Variants in SMYD3 observed in about 807,000 individuals in gnomAD.
SMYD3 encodes the protein histone-lysine N-methyltransferase SMYD3.
A neutral mutation model predicts 57.7 loss-of-function variants in SMYD3; 36 were observed. That is an observed-to-expected ratio of 0.62 (90% CI 0.48 to 0.82). The LOEUF (loss-of-function observed/expected upper bound fraction) is 0.82. Ranked by LOEUF, SMYD3 falls within the 40% of genes least tolerant of loss-of-function variation. SMYD3 has a pLI of 0.00. For missense variants in SMYD3, 515 were observed against 538.8 expected (o/e 0.96, Z 0.44); for synonymous variants, 211 against 195.0 (o/e 1.08, Z -0.68).
At chr1:246,440,888 A>G (rs1431557435) in intron 1 of SMYD3, among the ~76,000 whole-genome samples, 2 of 152,124 alleles carry the variant, frequency 1.3e-5, no homozygotes, top group African/African-American at 4.8e-5. Flanking sequence ...TTTTCCTAAG[A>G]GGAAGAAATC....
intron 5 of SMYD3, among the ~76,000 whole-genome samples, chr1:246,071,803 G>A (rs112082384): frequency 1.9e-4 from 28 of 145,040 alleles, no homozygotes; most frequent in East Asian, 1.9e-3. Flanking sequence ...GGAGGGATTC[G>A]TGTGCTTTCC....
chr1:245,889,357 C>T (rs1221035289), intron 8 of SMYD3, among the ~76,000 whole-genome samples: 1 of 152,172 alleles, frequency 6.6e-6, no homozygotes, highest in Non-Finnish European at 1.5e-5. Flanking sequence ...CCTTCTAGGA[C>T]ATCCTTCCCA....
intron 5 of SMYD3, among the ~76,000 whole-genome samples, chr1:246,104,332 T>C (rs78941094): frequency 0.037 from 5,687 of 152,340 alleles, 228 homozygotes; most frequent in East Asian, 0.16. Flanking sequence ...AAACATTTAC[T>C]GTGAAACATC....
intron 5 of SMYD3, among the ~76,000 whole-genome samples, chr1:246,313,626 C>G (rs1443178889): frequency 3.3e-5 from 5 of 152,150 alleles, no homozygotes; most frequent in Non-Finnish European, 7.3e-5. Flanking sequence ...ACTGCCAAGT[C>G]TGGTCACATG....
At chr1:246,133,803 G>C (rs2061624922) in intron 5 of SMYD3, among the ~76,000 whole-genome samples, 1 of 152,124 alleles carries the variant, frequency 6.6e-6, no homozygotes, top group Non-Finnish European at 1.5e-5. Context: ...AAAAAAGCTT[G>C]AAAACATTTC....
intron 8 of SMYD3, among the ~76,000 whole-genome samples, chr1:245,914,082 C>A (rs751549587): frequency 3.9e-5 from 6 of 152,134 alleles, no homozygotes; most frequent in East Asian, 1.9e-4. Flanking sequence ...AAAAAAGACA[C>A]CTAGGAATAA....
At chr1:245,936,924 C>G (rs185574248) in intron 5 of SMYD3, among the ~76,000 whole-genome samples, 2 of 151,928 alleles carry the variant, frequency 1.3e-5, no homozygotes, top group Non-Finnish European at 2.9e-5. Context: ...TGCGATATCA[C>G]GTGATAAAGG....
Position 246,075,820 on chromosome 1 carries a change from G to A in SMYD3, c.532-145883C>T, listed in dbSNP as rs534598243. On this transcript the variant is annotated intron_variant, in intron 5 of 11. Transcript: ENST00000490107. ...AATATAATATATATGACATCTGTAA[G>A]ACTGAGGAGTTCATATTTTACATGA... 2.6e-5 allele frequency among the ~76,000 whole-genome samples: 4 copies of A among 151,828 alleles called. No homozygotes were observed. The South Asian group carries it at 6.2e-4, about 24-fold the overall frequency.
chr1:245,862,365 AT>A (rs986439570), intron 9 of SMYD3, among the ~76,000 whole-genome samples: 1 of 151,868 alleles, frequency 6.6e-6, no homozygotes, highest in African/African-American at 2.4e-5. Context: ...AAAGCCCTAA[AT>A]TTTTTTCACA....
intron 8 of SMYD3, among the ~76,000 whole-genome samples, chr1:245,879,162 G>A (rs943168476): frequency 2.0e-5 from 3 of 152,150 alleles, no homozygotes; most frequent in Non-Finnish European, 4.4e-5. Flanking sequence ...CTTGACAGTC[G>A]CTTAGGTTCC....
At chr1:246,164,422 GAAATAAATAAAT>G (rs755805146) in intron 5 of SMYD3, among the ~76,000 whole-genome samples, 3 of 151,936 alleles carry the variant, frequency 2.0e-5, no homozygotes, top group East Asian at 1.9e-4. Context: ...TCCGTCTCAA[GAAATAAATAAAT>G]AAATAGATAA....
At chr1:246,446,725 G>A (rs1011845269) in intron 1 of SMYD3, among the ~76,000 whole-genome samples, 4 of 152,232 alleles carry the variant, frequency 2.6e-5, no homozygotes, top group East Asian at 3.9e-4. Flanking sequence ...GCAGGAACAC[G>A]GTAATTTAGA....
At chr1:245,860,674 G>A (rs961772887) in intron 9 of SMYD3, among the ~76,000 whole-genome samples, 10 of 152,326 alleles carry the variant, frequency 6.6e-5, no homozygotes, top group Non-Finnish European at 1.2e-4. Flanking sequence ...TGCATGATTT[G>A]CTCTTGCATT....
chr1:246,349,443 C>T (rs774990933), intron 2 of SMYD3, among the ~76,000 whole-genome samples: 10 of 151,938 alleles, frequency 6.6e-5, no homozygotes, highest in Non-Finnish European at 1.2e-4. Context: ...CATCCCCACA[C>T]AAAATACAAA....
intron 3 of SMYD3, 60 bp from the exon 4 acceptor site, chr1:246,330,597 A>G (rs2065443679): frequency 4.8e-6 from 7 of 1,454,872 alleles, no homozygotes; most frequent in South Asian, 1.4e-5. Context: ...ATATAAACAA[A>G]TAAGTTTGAG....
At chr1:246,271,677 A>G (rs2064226236) in intron 5 of SMYD3, among the ~76,000 whole-genome samples, 1 of 152,228 alleles carries the variant, frequency 6.6e-6, no homozygotes, top group South Asian at 2.1e-4. Context: ...TTATGCCAGT[A>G]ACACACTGTT....
intron 5 of SMYD3, among the ~76,000 whole-genome samples, chr1:246,010,445 A>G (rs1002568866): frequency 4.6e-5 from 7 of 152,206 alleles, no homozygotes; most frequent in African/African-American, 1.7e-4. Context: ...CCAGAGCCCA[A>G]TGATGCCAGG....
chr1:246,245,974 ATT>A (rs1329704447), intron 5 of SMYD3, among the ~76,000 whole-genome samples: 1 of 152,116 alleles, frequency 6.6e-6, no homozygotes, highest in Non-Finnish European at 1.5e-5. Flanking sequence ...CAAAAAATTC[ATT>A]TGTTTTTGGT....
chr1:246,106,539 C>T (rs918364822), intron 5 of SMYD3, among the ~76,000 whole-genome samples: 3 of 152,200 alleles, frequency 2.0e-5, no homozygotes, highest in Non-Finnish European at 2.9e-5. Flanking sequence ...TGGTTACATA[C>T]ATCACACTGA....
Sources: gnomAD v4.1 joint callset for allele counts (sites outside exome capture counted in the v4.1 genomes callset) on GRCh38, gnomAD v4.1.1 for gene constraint, MANE v1.5 for transcripts, NCBI Gene and HGNC (gene_info 2026-07-23, HGNC 2026-07-21) for gene names.